Variants in NFIB observed in about 807,000 individuals in gnomAD.
The protein encoded by NFIB is nuclear factor I B.
Under a neutral mutation model 61.5 loss-of-function variants are expected in NFIB, and 11 were observed. The ratio of observed to expected loss-of-function variants is 0.18; its 90% CI spans 0.11 to 0.30. NFIB has a LOEUF of 0.30. NFIB is among the 10% of genes least tolerant of loss of function. The pLI is 1.00. For missense variants in NFIB, 471 were observed against 608.9 expected, an observed-to-expected ratio of 0.77 and a Z score of 2.38; for synonymous variants, 260 against 216.5, an observed-to-expected ratio of 1.20 and a Z score of -1.76.
chr9:14,444,348 T>A, the NFIB span, among the ~76,000 whole-genome samples: 2 of 152,176 alleles, frequency 1.3e-5, no homozygotes, highest in Non-Finnish European at 2.9e-5. Flanking sequence ...AAACCAGATA[T>A]AGAGTTTTAG....
intron 3 of NFIB, among the ~76,000 whole-genome samples, chr9:14,175,007 A>G (rs1370720602): frequency 1.3e-5 from 2 of 152,082 alleles, no homozygotes; most frequent in Non-Finnish European, 2.9e-5. Context: ...CAGATGAACA[A>G]ATGACAATGA....
the NFIB span, among the ~76,000 whole-genome samples, chr9:14,512,150 A>G: frequency 6.6e-6 from 1 of 152,202 alleles, no homozygotes; most frequent in Non-Finnish European, 1.5e-5. Context: ...GTTTCCCAAG[A>G]TGTCCCATGA....
intron 1 of NFIB, among the ~76,000 whole-genome samples, chr9:14,395,186 T>C (rs1042457224): frequency 6.6e-6 from 1 of 151,986 alleles, no homozygotes; most frequent in Non-Finnish European, 1.5e-5. Context: ...AGCCTCCATA[T>C]GTGTGCTAGC....
At chr9:14,300,144 G>A (rs963986178) in intron 2 of NFIB, 1 of 398,424 alleles carries the variant, frequency 2.5e-6, no homozygotes, top group Non-Finnish European at 4.4e-6. Flanking sequence ...CAAAACTGGA[G>A]TTCAAGGTCC....
At chr9:14,092,057 T>C (rs938585258) in intron 10 of NFIB, among the ~76,000 whole-genome samples, 1 of 152,162 alleles carries the variant, frequency 6.6e-6, no homozygotes, top group Admixed American at 6.6e-5. Context: ...GATGCATTAC[T>C]GGTGATGGTC....
intron 2 of NFIB, among the ~76,000 whole-genome samples, chr9:14,305,473 T>C (rs2059969347): frequency 6.6e-6 from 1 of 152,240 alleles, no homozygotes; most frequent in Admixed American, 6.5e-5. Flanking sequence ...TGTCATGTGT[T>C]ACTGAGTTTT....
intron 2 of NFIB, among the ~76,000 whole-genome samples, chr9:14,213,931 TC>T (rs1170409863): frequency 6.7e-6 from 1 of 149,804 alleles, no homozygotes; most frequent in African/African-American, 2.6e-5. Flanking sequence ...TACCCCCAAC[TC>T]CCACTGCTCC....
chr9:14,092,068 C>T (rs532304758), intron 10 of NFIB, among the ~76,000 whole-genome samples: 3 of 152,230 alleles, frequency 2.0e-5, no homozygotes, highest in South Asian at 4.1e-4. Context: ...GGTGATGGTC[C>T]TGCTTCATTT....
the NFIB span, among the ~76,000 whole-genome samples, chr9:14,523,266 C>G: frequency 5.3e-5 from 8 of 152,252 alleles, no homozygotes; most frequent in East Asian, 1.5e-3. Context: ...CAGACACCAA[C>G]TTACAGTGGT....
chr9:14,323,282 A>G (rs7852112), intron 1 of NFIB, among the ~76,000 whole-genome samples: 8,211 of 152,284 alleles, frequency 0.054, 570 homozygotes, highest in African/African-American at 0.16. Flanking sequence ...TCCCAGAAGT[A>G]AACACTCTAG....
intron 3 of NFIB, among the ~76,000 whole-genome samples, chr9:14,178,131 C>A (rs949996729): frequency 1.6e-4 from 25 of 152,088 alleles, no homozygotes; most frequent in African/African-American, 6.0e-4. Flanking sequence ...CCCTCTTCTC[C>A]CACCTCATTC....
the NFIB span, among the ~76,000 whole-genome samples, chr9:14,428,371 A>G: frequency 8.5e-5 from 13 of 152,100 alleles, no homozygotes; most frequent in Admixed American, 5.2e-4. Context: ...CTCTCTTTGA[A>G]TCTCCTGGGG....
At chr9:14,511,608 A>G in the NFIB span, among the ~76,000 whole-genome samples, 1 of 152,204 alleles carries the variant, frequency 6.6e-6, no homozygotes, top group Non-Finnish European at 1.5e-5. Flanking sequence ...CTGAGATGAC[A>G]CAGCCAGTAA....
chr9:14,410,376 G>A, the NFIB span, among the ~76,000 whole-genome samples: 2 of 152,194 alleles, frequency 1.3e-5, no homozygotes, highest in East Asian at 1.9e-4. Flanking sequence ...CTGTTATACC[G>A]TGTATCAATT....
At chr9:14,347,786 C>A (rs981627159) in intron 1 of NFIB, among the ~76,000 whole-genome samples, 1 of 152,088 alleles carries the variant, frequency 6.6e-6, no homozygotes, top group East Asian at 1.9e-4. Flanking sequence ...AATCACTACC[C>A]GGCGACGGCT....
At chr9:14,210,526 A>G (rs1057424485) in intron 2 of NFIB, among the ~76,000 whole-genome samples, 2 of 152,066 alleles carry the variant, frequency 1.3e-5, no homozygotes, top group African/African-American at 4.8e-5. Context: ...GCTAAAATGT[A>G]AGTATACATA....
At chr9:14,249,058 A>G (rs73645024) in intron 2 of NFIB, among the ~76,000 whole-genome samples, 125 of 152,318 alleles carry the variant, frequency 8.2e-4, no homozygotes, top group African/African-American at 2.9e-3. Context: ...TACACTTGCA[A>G]TTAATATACA....
At chr9:14,357,152 G>T (rs1353810193) in intron 1 of NFIB, 1 of 152,198 alleles carries the variant, frequency 6.6e-6, no homozygotes, top group Non-Finnish European at 1.5e-5. Context: ...TTCATTGCAG[G>T]TCTGCAGGAC....
intron 1 of NFIB, among the ~76,000 whole-genome samples, chr9:14,391,774 T>C (rs1347419915): frequency 6.6e-6 from 1 of 152,120 alleles, no homozygotes; most frequent in East Asian, 1.9e-4. Context: ...AAACCCCAAG[T>C]CCAGGGCTGA....
Sources: allele counts gnomAD v4.1 joint callset (sites outside exome capture counted in the v4.1 genomes callset), GRCh38; gene constraint gnomAD v4.1.1; transcripts MANE v1.5; gene names NCBI Gene and HGNC (gene_info 2026-07-23, HGNC 2026-07-21).